The following HRK variants were observed in gnomAD, a reference collection of about 807,000 sequenced individuals.
HRK encodes harakiri, BCL2 interacting protein.
A neutral mutation model predicts 5.9 loss-of-function variants in HRK; 6 were observed. That is an observed-to-expected ratio of 1.02 (90% CI 0.56 to 2.01). The LOEUF is 2.01. Ranked by LOEUF, HRK falls within the 30% of genes most tolerant of loss-of-function variation. The pLI, the probability that HRK is intolerant of heterozygous loss-of-function variation, is 0.00. For missense variants in HRK, 133 were observed against 128.3 expected (o/e 1.04, Z -0.18); for synonymous variants, 85 against 65.1 (o/e 1.31, Z -1.47).
At chr12:116,865,796 C>CAACGCCCAGCGT (rs1253797830) in intron 1 of HRK, among the ~76,000 whole-genome samples, 1 of 152,154 alleles carries the variant, frequency 6.6e-6, no homozygotes, top group Non-Finnish European at 1.5e-5. Flanking sequence ...GAGCCCAGCA[C>CAACGCCCAGCGT]AACGCCCAGC....
Position 116,860,949 on chromosome 12 carries a change from G to T in HRK, c.*574C>A, listed in dbSNP as rs1878341787. On this transcript the variant is annotated 3_prime_UTR_variant, in exon 2 of 2. Transcript: ENST00000257572. ...GGCTAGGACGAGTCAAGAAATGGAG[G>T]CATCCCAGACTGCCCCTACACAATC... 6.6e-6 allele frequency: 1 copy of T among 152,132 alleles called. No individual in the cohort carries two copies. The highest frequency in any genetic ancestry group is 6.5e-5 in the Admixed American group (1 of 15,268). 9.4% of individuals were successfully genotyped at this position (152,132 alleles called of 1,614,324 possible).
chr12:116,863,581 G>A lies in HRK; in HGVS notation c.*57-2115C>T, dbSNP rs556802162. On this transcript the variant is annotated intron_variant, in intron 1 of 1. Transcript: ENST00000257572. ...TGGAAACACTTTCTGCCTCTTACTC[G>A]GGCCCTAATGGATACATCTGACTGC... Among the ~76,000 whole-genome samples, 26 of 152,224 alleles carry A rather than the reference G, an allele frequency of 1.7e-4. No individual in the cohort carries two copies. In the South Asian group the frequency reaches 2.5e-3, roughly 15 times the overall value.
rs140074509 is a variant in HRK at position 116,868,374 on chromosome 12, C to A, written c.*57-6908G>T. 2.4e-3 allele frequency among the ~76,000 whole-genome samples: 368 copies of A among 152,308 alleles called. 2 individuals carry two copies. Among genetic ancestry groups the A allele is most frequent in the African/African-American group, 8.2e-3 (342 of 41,560 alleles). Reference sequence around the variant, plus strand: ...ACCCTGCCTGAGATACTCAGACACTCCTACTATCCCCTGGCATTTAAGCTC... The same window carrying A: ...ACCCTGCCTGAGATACTCAGACACTACTACTATCCCCTGGCATTTAAGCTC... On this transcript the variant is annotated intron_variant, in intron 1 of 1. Transcript: ENST00000257572.
At position 116,879,803 on chromosome 12, in the gene HRK, GCCGCTCCAACTTCCC is replaced by G. The variant is rs1277896059; in HGVS notation, c.*56+1158_*56+1172del. On this transcript the variant is annotated intron_variant, in intron 1 of 1. Transcript: ENST00000257572. The surrounding 1 kb of genome is among the most constrained non-coding windows in gnomAD (Gnocchi z 5.6). ...AGACGCTCGGGCCTCGCCTTCAGGC[GCCGCTCCAACTTCCC>G]AGGGTGTCTGCGGCGCGCGGCGGGG... Among the ~76,000 whole-genome samples, 1 of 152,186 alleles carries G rather than the reference GCCGCTCCAACTTCCC, an allele frequency of 6.6e-6. No individual in the cohort carries two copies. The highest frequency in any genetic ancestry group is 1.9e-4 in the East Asian group (1 of 5,188).
At chr12:116,876,290 C>A (rs1878925852) in intron 1 of HRK, among the ~76,000 whole-genome samples, 1 of 152,196 alleles carries the variant, frequency 6.6e-6, no homozygotes, top group Non-Finnish European at 1.5e-5. Context: ...GGCTCCCTCG[C>A]CAAACAGAAG....
At chr12:116,867,119 A>G (rs962997344) in intron 1 of HRK, among the ~76,000 whole-genome samples, 3 of 151,462 alleles carry the variant, frequency 2.0e-5, no homozygotes, top group African/African-American at 7.3e-5. Context: ...ATGAGACTCC[A>G]TCTACACATA....
chr12:116,868,923 T>C (rs2137248186), intron 1 of HRK, among the ~76,000 whole-genome samples: 1 of 150,840 alleles, frequency 6.6e-6, no homozygotes, highest in Admixed American at 6.6e-5. Context: ...ACCATAAAGA[T>C]GGGCCATACT....
At chr12:116,861,683 T>C (rs1318716148) in intron 1 of HRK, among the ~76,000 whole-genome samples, 1 of 152,184 alleles carries the variant, frequency 6.6e-6, no homozygotes, top group African/African-American at 2.4e-5. Flanking sequence ...GTAGCAGCCT[T>C]CCCCAAATAG....
intron 1 of HRK, among the ~76,000 whole-genome samples, chr12:116,866,941 A>G (rs191202858): frequency 1.5e-3 from 234 of 152,184 alleles, no homozygotes; most frequent in African/African-American, 5.5e-3. Flanking sequence ...ACATTCTTTG[A>G]CCTAACAATT....
chr12:116,856,736 C>T lies in HRK; in HGVS notation c.*4787G>A, dbSNP rs574527464. The T allele has an allele frequency of 2.0e-4, 30 of 152,380 alleles. No homozygotes were observed. The highest frequency in any genetic ancestry group is 7.0e-4 in the African/African-American group (29 of 41,592). The allele number at this position is 152,380 out of a possible 1,614,324, so 9.4% of individuals were successfully genotyped here. ...GGACCCAGTGGAGCAGAGCAGTCAG[C>T]TCACGAGCGTGGGGGTCCCATGGAC... On this transcript the variant is annotated 3_prime_UTR_variant, in exon 2 of 2. Coordinates refer to ENST00000257572, the MANE Select transcript of HRK (RefSeq NM_003806.4). The surrounding 1 kb of genome is among the most constrained non-coding windows in gnomAD (Gnocchi z 4.4).
chr12:116,878,864 G>A lies in HRK; in HGVS notation c.*56+2112C>T, dbSNP rs1400679888. ...GGGTAGAAGGCGAGGGCGGGGCGGG[G>A]GAAATAAACTCCACAGAGACAATAA... On this transcript the variant is annotated intron_variant, in intron 1 of 1. Transcript: ENST00000257572. The surrounding 1 kb of genome is among the most constrained non-coding windows in gnomAD (Gnocchi z 4.4). Among the ~76,000 whole-genome samples the A allele has an allele frequency of 6.6e-6, 1 of 152,166 alleles. No individual in the cohort carries two copies. Among genetic ancestry groups the A allele is most frequent in the East Asian group, 1.9e-4 (1 of 5,198 alleles).
chr12:116,869,308 GAAC>G (rs1878659678), intron 1 of HRK, among the ~76,000 whole-genome samples: 1 of 152,088 alleles, frequency 6.6e-6, no homozygotes, highest in Non-Finnish European at 1.5e-5. Context: ...CACCAAATAA[GAAC>G]AACACATATC....
chr12:116,881,109 T>C lies in HRK; in HGVS notation c.199A>G (p.Thr67Ala), dbSNP rs1879131765. ...GCCGCGCACAGCCAAGGCCAGTAGG[T>C]GGGGAGCGCGCCGGGCGCCGGCGCC... is the stretch of plus-strand genomic sequence containing the variant. The part of the protein sequence containing the change: ...RRAPAPGALP[T>A]YWPWLCAAAQ... The change falls in exon 1 of 2, where the codon ACC (threonine) becomes GCC (alanine). Residue 67 changes from threonine to alanine, a missense_variant. Physicochemically the swap from Thr to Ala is moderately conservative, Grantham distance 58. Coordinates refer to ENST00000257572, the MANE Select transcript of HRK (RefSeq NM_003806.4). 4.8e-6 allele frequency: 6 copies of C among 1,238,994 alleles called. No individual in the cohort carries two copies. Among genetic ancestry groups the C allele is most frequent in the Non-Finnish European group, 6.0e-6 (6 of 992,730 alleles). 76.8% of individuals were successfully genotyped at this position (1,238,994 alleles called of 1,614,324 possible).
chr12:116,880,050 A>C (rs1879088303), intron 1 of HRK, among the ~76,000 whole-genome samples: 1 of 152,126 alleles, frequency 6.6e-6, no homozygotes, highest in Non-Finnish European at 1.5e-5. Context: ...GCGCACAGCT[A>C]GGGCACAATG....
In HRK at chr12:116,879,930, C is replaced by T. The variant is rs184774172; in HGVS notation, c.*56+1046G>A. On this transcript the variant is annotated intron_variant, in intron 1 of 1. Coordinates refer to ENST00000257572, the MANE Select transcript of HRK (RefSeq NM_003806.4). The surrounding 1 kb of genome is among the most constrained non-coding windows in gnomAD (Gnocchi z 5.6). ...TAGACCCATCTATGGTGGGCTCAGC[C>T]TGATTCTCTCTCCCTCATTCTCTGC... is the stretch of plus-strand genomic sequence containing the variant. Among the ~76,000 whole-genome samples the T allele has an allele frequency of 6.6e-6, 1 of 152,332 alleles. No homozygotes were observed. The highest frequency in any genetic ancestry group is 2.4e-5 in the African/African-American group (1 of 41,582).
chr12:116,858,919 A>T lies in HRK; in HGVS notation c.*2604T>A, dbSNP rs1367381119. The T allele has an allele frequency of 6.6e-6, 1 of 152,164 alleles. No individual in the cohort carries two copies. The highest frequency in any genetic ancestry group is 1.9e-4 in the East Asian group (1 of 5,182). The allele number at this position is 152,164 out of a possible 1,614,324, so 9.4% of individuals were successfully genotyped here. ...AATATATACATATATATCATGCTTCAATTTCCTAATACAAATGTCCATCAA... is the reference window on the plus strand; with the variant it reads ...AATATATACATATATATCATGCTTCTATTTCCTAATACAAATGTCCATCAA... On this transcript the variant is annotated 3_prime_UTR_variant, in exon 2 of 2. Coordinates refer to ENST00000257572, the MANE Select transcript of HRK (RefSeq NM_003806.4).
chr12:116,866,425 C>T (rs114957319), intron 1 of HRK, among the ~76,000 whole-genome samples: 1 of 151,070 alleles, frequency 6.6e-6, no homozygotes, highest in African/African-American at 2.4e-5. Flanking sequence ...GGAGGAGAAG[C>T]TCTCCATGCA....
At chr12:116,870,876 A>G (rs1196702033) in intron 1 of HRK, among the ~76,000 whole-genome samples, 1 of 152,170 alleles carries the variant, frequency 6.6e-6, no homozygotes, top group African/African-American at 2.4e-5. Context: ...ACATGATTTT[A>G]TGCTCTAGAC....
intron 1 of HRK, among the ~76,000 whole-genome samples, chr12:116,868,082 T>C (rs1878609720): frequency 6.6e-6 from 1 of 152,014 alleles, no homozygotes; most frequent in Admixed American, 6.6e-5. Context: ...GATCTTTTCA[T>C]TTTTCAAGAA....
Sources: allele counts gnomAD v4.1 joint callset (sites outside exome capture counted in the v4.1 genomes callset), GRCh38; gene constraint gnomAD v4.1.1; non-coding constraint Gnocchi (gnomAD v3.1); transcripts MANE v1.5; gene names NCBI Gene and HGNC (gene_info 2026-07-23, HGNC 2026-07-21).